The following VTI1A variants were observed in gnomAD, a reference collection of about 807,000 sequenced individuals.
VTI1A encodes the protein vesicle transport through interaction with t-SNAREs homolog 1A.
VTI1A carries 22 observed loss-of-function variants against 34.9 expected under a neutral mutation model. The observed-to-expected ratio is 0.63, with a 90% CI of 0.45 to 0.90. The LOEUF (loss-of-function observed/expected upper bound fraction) is 0.90, where lower values mean the gene tolerates loss of function less well. Ranked by LOEUF, VTI1A falls within the 40% of genes least tolerant of loss-of-function variation. VTI1A has a pLI of 0.00. For missense variants in VTI1A, 268 were observed against 275.6 expected (o/e 0.97, Z 0.20); for synonymous variants, 87 against 97.3 (o/e 0.89, Z 0.62).
chr10:112,465,757 A>T (rs1847876117), intron 3 of VTI1A, among the ~76,000 whole-genome samples: 1 of 152,198 alleles, frequency 6.6e-6, no homozygotes, highest in African/African-American at 2.4e-5. Context: ...CAGTTTTGCC[A>T]GACTGAAACT....
At chr10:112,604,265 A>C (rs1454037529) in intron 5 of VTI1A, among the ~76,000 whole-genome samples, 1 of 152,188 alleles carries the variant, frequency 6.6e-6, no homozygotes, top group Non-Finnish European at 1.5e-5. Context: ...GACTTACAAA[A>C]TGGGGCTTGT....
intron 3 of VTI1A, among the ~76,000 whole-genome samples, chr10:112,485,980 G>A (rs578222953): frequency 1.7e-4 from 26 of 152,030 alleles, no homozygotes; most frequent in African/African-American, 6.3e-4. Context: ...CCTGCCTCTC[G>A]GATCTTTTTG....
At chr10:112,759,945 G>C (rs529294132) in intron 7 of VTI1A, among the ~76,000 whole-genome samples, 2 of 152,224 alleles carry the variant, frequency 1.3e-5, no homozygotes, top group Non-Finnish European at 2.9e-5. Context: ...ACACACATCT[G>C]AGAAGTGACG....
intron 5 of VTI1A, among the ~76,000 whole-genome samples, chr10:112,558,856 A>T (rs1265221890): frequency 6.6e-6 from 1 of 152,210 alleles, no homozygotes; most frequent in African/African-American, 2.4e-5. Flanking sequence ...TCCTGTGATG[A>T]TGTGGTGACT....
At chr10:112,473,045 C>A (rs566097586) in intron 3 of VTI1A, among the ~76,000 whole-genome samples, 1 of 149,446 alleles carries the variant, frequency 6.7e-6, no homozygotes, top group Non-Finnish European at 1.5e-5. Flanking sequence ...CTTCTCTCCC[C>A]TTCTCCCTTG....
intron 3 of VTI1A, among the ~76,000 whole-genome samples, chr10:112,484,419 G>A (rs902178450): frequency 1.3e-5 from 2 of 152,114 alleles, no homozygotes; most frequent in Admixed American, 1.3e-4. Context: ...AATCTGTTAG[G>A]CTCATAATGA....
intron 5 of VTI1A, among the ~76,000 whole-genome samples, chr10:112,610,321 G>A (rs1845249631): frequency 6.6e-6 from 1 of 151,956 alleles, no homozygotes; most frequent in South Asian, 2.1e-4. Context: ...CTAGGTAAAA[G>A]CCCCCAAAAT....
intron 7 of VTI1A, among the ~76,000 whole-genome samples, chr10:112,745,832 G>A (rs979806050): frequency 6.6e-6 from 1 of 152,210 alleles, no homozygotes; most frequent in Non-Finnish European, 1.5e-5. Context: ...GACTGACCCT[G>A]AAGCCCAGAA....
intron 5 of VTI1A, among the ~76,000 whole-genome samples, chr10:112,543,621 C>A (rs907595385): frequency 6.6e-6 from 1 of 152,156 alleles, no homozygotes; most frequent in African/African-American, 2.4e-5. Context: ...TTCTCCCATT[C>A]TGTAGGTTGC....
intron 3 of VTI1A, among the ~76,000 whole-genome samples, chr10:112,497,328 A>AAT (rs1564801138): frequency 2.6e-5 from 4 of 151,716 alleles, no homozygotes; most frequent in African/African-American, 7.2e-5. Flanking sequence ...AAAAAAAAAA[A>AAT]AATAATAATA....
Position 112,712,184 on chromosome 10 carries a change from ACC to A in VTI1A, c.560+43188_560+43189del, listed in dbSNP as rs1849441154. 2.6e-5 allele frequency among the ~76,000 whole-genome samples: 4 copies of A among 151,632 alleles called. No individual in the cohort carries two copies. The South Asian group carries it at 8.3e-4, about 32-fold the overall frequency. ...CTGCCTGGATATCTTCATTCTTCTC[ACC>A]CTTCCTCCCAGCCAAAAAGTTGTAG... is the stretch of plus-strand genomic sequence containing the variant. On this transcript the variant is annotated intron_variant, in intron 7 of 7. Transcript: ENST00000393077.
At chr10:112,694,621 C>T (rs1042118981) in intron 7 of VTI1A, among the ~76,000 whole-genome samples, 10 of 150,878 alleles carry the variant, frequency 6.6e-5, no homozygotes, top group African/African-American at 2.0e-4. Context: ...CAAAGTTTGA[C>T]GATTCAGTCT....
intron 7 of VTI1A, among the ~76,000 whole-genome samples, chr10:112,720,603 C>T (rs1011858900): frequency 2.0e-5 from 3 of 151,552 alleles, no homozygotes; most frequent in Non-Finnish European, 4.4e-5. Context: ...ATATATCTTC[C>T]TAAAGGGAGG....
intron 5 of VTI1A, among the ~76,000 whole-genome samples, chr10:112,610,495 A>G (rs910703490): frequency 6.6e-6 from 1 of 152,234 alleles, no homozygotes; most frequent in Non-Finnish European, 1.5e-5. Context: ...TCTTTTAGAC[A>G]GTTGACTCTA....
Position 112,502,291 on chromosome 10 carries a change from C to T in VTI1A, c.265-24796C>T, listed in dbSNP as rs1030200714. Among the ~76,000 whole-genome samples, 22 of 151,998 alleles carry T rather than the reference C, an allele frequency of 1.4e-4. 1 individual carries two copies. Among genetic ancestry groups the T allele is most frequent in the Admixed American group, 1.1e-3 (17 of 15,244 alleles). ...CAGGCAAATCCTCCCACTTTGTCCTCCCAAAGTGTTGAGATTACAGGCGTG... is the reference window on the plus strand; with the variant it reads ...CAGGCAAATCCTCCCACTTTGTCCTTCCAAAGTGTTGAGATTACAGGCGTG... On this transcript the variant is annotated intron_variant, in intron 3 of 7. Coordinates refer to ENST00000393077, the MANE Select transcript of VTI1A (RefSeq NM_145206.4).
chr10:112,816,744 G>A lies in VTI1A; in HGVS notation c.*1361G>A. On this transcript the variant is annotated 3_prime_UTR_variant, in exon 8 of 8. Transcript: ENST00000393077. ...CTTTGAATCCTTGAAAAGCAAACCT[G>A]TTCTCTTCATCAAAAATGCTAACCA... is the stretch of plus-strand genomic sequence containing the variant. The A allele has an allele frequency of 4.4e-6, 1 of 226,662 alleles. No homozygotes were observed. Among genetic ancestry groups the A allele is most frequent in the East Asian group, 6.4e-5 (1 of 15,738 alleles). 14.0% of individuals were successfully genotyped at this position (226,662 alleles called of 1,614,324 possible).
At position 112,795,431 on chromosome 10, in the gene VTI1A, C is replaced by CTTTTTTTTTTTTT. The variant is rs35159993; in HGVS notation, c.561-19852_561-19840dup. Among the ~76,000 whole-genome samples, 376 of 123,938 alleles carry CTTTTTTTTTTTTT rather than the reference C, an allele frequency of 3.0e-3. 5 individuals carry two copies. The highest frequency in any genetic ancestry group is 9.9e-3 in the African/African-American group (324 of 32,626). 81.3% of individuals were successfully genotyped at this position (123,938 alleles called of 152,430 possible). A position where few individuals can be genotyped will look rare whatever the true frequency, so the allele number is the denominator to read the frequency against. On this transcript the variant is annotated intron_variant, in intron 7 of 7. Transcript: ENST00000393077. ...TTTCTCCTACACATTCCCTATTACT[C>CTTTTTTTTTTTTT]TTTTTTTTTTTTTTTTTTTCTGAGA...
chr10:112,759,029 G>A (rs1399219673), intron 7 of VTI1A, among the ~76,000 whole-genome samples: 1 of 152,328 alleles, frequency 6.6e-6, no homozygotes, highest in East Asian at 1.9e-4. Flanking sequence ...TGGCCTCAGA[G>A]ATGAGTCTCC....
At chr10:112,840,293 A>T in the VTI1A span, among the ~76,000 whole-genome samples, 1 of 152,158 alleles carries the variant, frequency 6.6e-6, no homozygotes, top group Non-Finnish European at 1.5e-5. Context: ...ATCCAGAGAA[A>T]GCCAAATATG....
Sources: allele counts gnomAD v4.1 joint callset (sites outside exome capture counted in the v4.1 genomes callset), GRCh38; gene constraint gnomAD v4.1.1; transcripts MANE v1.5; gene names NCBI Gene and HGNC (gene_info 2026-07-23, HGNC 2026-07-21).